Variants in JDP2 observed in about 807,000 individuals in gnomAD.
JDP2 encodes the protein progesterone receptor co-activator.
In JDP2, 9 loss-of-function variants were observed where a neutral mutation model predicts 17.1. The observed-to-expected ratio is 0.53, with a 90% CI of 0.32 to 0.92. The LOEUF (loss-of-function observed/expected upper bound fraction) is 0.92, where lower values mean the gene tolerates loss of function less well. Ranked by LOEUF, JDP2 falls within the 40% of genes least tolerant of loss-of-function variation. JDP2 has a pLI of 0.04. For synonymous variants in JDP2, 107 were observed against 95.6 expected (o/e 1.12, Z -0.69); for missense variants, 179 against 220.0 (o/e 0.81, Z 1.18).
In JDP2 at chr14:75,469,688, G is replaced by A. The variant is rs886235530; in HGVS notation, c.*213G>A. 1 of 558,162 alleles carries A rather than the reference G, an allele frequency of 1.8e-6. No homozygotes were observed. The highest frequency in any genetic ancestry group is 3.1e-5 in the East Asian group (1 of 32,606). 34.6% of individuals were successfully genotyped at this position (558,162 alleles called of 1,614,324 possible). A position where few individuals can be genotyped will look rare whatever the true frequency, so the allele number is the denominator to read the frequency against. ...CTGAGGAAACCCAGAGGGACCAAGC[G>A]CTGAGACCAAAGTTGACCCTCGGGT... is the stretch of plus-strand genomic sequence containing the variant. On this transcript the variant is annotated 3_prime_UTR_variant, in exon 4 of 4. Coordinates refer to ENST00000651602, the MANE Select transcript of JDP2 (RefSeq NM_001135048.2).
At chr14:75,468,189 G>A (rs1046141116) in intron 3 of JDP2, among the ~76,000 whole-genome samples, 7 of 152,118 alleles carry the variant, frequency 4.6e-5, no homozygotes, top group Non-Finnish European at 1.0e-4. Flanking sequence ...AATCTCTTAC[G>A]CTATCGCCAT....
intron 2 of JDP2, 117 bp from the exon 3 acceptor site, chr14:75,461,309 G>A (rs1886336570): frequency 1.4e-6 from 1 of 725,014 alleles, no homozygotes; most frequent in Admixed American, 2.1e-5. Flanking sequence ...GTGATCACTT[G>A]TTCACTGCCG....
At chr14:75,445,729 T>A (rs1885568475) in intron 2 of JDP2, 1 of 341,366 alleles carries the variant, frequency 2.9e-6, no homozygotes, top group Non-Finnish European at 4.1e-6. Context: ...AGAAAACAGC[T>A]GTAAATCTTT....
chr14:75,441,637 C>CCA (rs1194356394), intron 2 of JDP2, among the ~76,000 whole-genome samples: 1 of 152,242 alleles, frequency 6.6e-6, no homozygotes, highest in Non-Finnish European at 1.5e-5. Flanking sequence ...GGTAGGACTG[C>CCA]TCATTCTGAT....
chr14:75,447,350 C>T (rs1444114738), intron 2 of JDP2, among the ~76,000 whole-genome samples: 1 of 152,158 alleles, frequency 6.6e-6, no homozygotes, highest in African/African-American at 2.4e-5. Flanking sequence ...TCCAACAACC[C>T]TATGAGGTGG....
At chr14:75,452,230 G>A (rs967195401) in intron 2 of JDP2, among the ~76,000 whole-genome samples, 6 of 152,234 alleles carry the variant, frequency 3.9e-5, no homozygotes, top group African/African-American at 1.4e-4. Flanking sequence ...CCCACCGTGT[G>A]GAAGGTAGCC....
intron 1 of JDP2, among the ~76,000 whole-genome samples, chr14:75,434,344 A>C (rs2140037995): frequency 6.6e-6 from 1 of 152,232 alleles, no homozygotes; most frequent in East Asian, 1.9e-4. Context: ...TGGCTGGTGA[A>C]TATCAGCTGT....
chr14:75,446,825 A>G (rs960048195), intron 2 of JDP2, among the ~76,000 whole-genome samples: 1 of 152,250 alleles, frequency 6.6e-6, no homozygotes. Flanking sequence ...TTTGATCTCA[A>G]TAAAGTGCTT....
In JDP2 at chr14:75,428,826, C is replaced by T. The variant is rs1361078258; in HGVS notation, c.-24+574C>T. ...CCAATGAAGGCAGCTTCTCTCATGG[C>T]CATTGCTTCGGAGCTCTGGGCTGGG... is the stretch of plus-strand genomic sequence containing the variant. On this transcript the variant is annotated intron_variant, in intron 1 of 3. Transcript: ENST00000651602. This position sits in a 1 kb window ranked among gnomAD's most constrained non-coding sequence, Gnocchi z 5.6. Among the ~76,000 whole-genome samples the T allele has an allele frequency of 2.6e-5, 4 of 152,178 alleles. No individual in the cohort carries two copies. Among genetic ancestry groups the T allele is most frequent in the Admixed American group, 1.3e-4 (2 of 15,284 alleles).
chr14:75,464,598 G>T (rs1886492769), intron 3 of JDP2, among the ~76,000 whole-genome samples: 1 of 152,092 alleles, frequency 6.6e-6, no homozygotes, highest in South Asian at 2.1e-4. Flanking sequence ...TGGTATCCTC[G>T]GGGAGTCCTG....
intron 2 of JDP2, among the ~76,000 whole-genome samples, chr14:75,452,941 A>C (rs780799593): frequency 6.6e-6 from 1 of 152,240 alleles, no homozygotes; most frequent in Non-Finnish European, 1.5e-5. Flanking sequence ...AAGGCCTGGC[A>C]AGAGATGACG....
rs1433710996 is a variant in JDP2, at chr14:75,469,593, G to T, written c.*118G>T. On this transcript the variant is annotated 3_prime_UTR_variant, in exon 4 of 4. Coordinates refer to ENST00000651602, the MANE Select transcript of JDP2 (RefSeq NM_001135048.2). ...GGTGCATGAAAAACTGTACAATGAGGTTCAGCACAGCCAGCATCAGCCGAG... is the reference window on the plus strand; with the variant it reads ...GGTGCATGAAAAACTGTACAATGAGTTTCAGCACAGCCAGCATCAGCCGAG... 3.0e-5 allele frequency: 25 copies of T among 841,440 alleles called. No individual in the cohort carries two copies. In the East Asian group the frequency reaches 6.3e-4, roughly 21 times the overall value. The allele number at this position is 841,440 out of a possible 1,614,324, so 52.1% of individuals were successfully genotyped here.
In JDP2 at chr14:75,469,592, G is replaced by A; in HGVS notation, c.*117G>A. 2.3e-6 allele frequency: 2 copies of A among 858,070 alleles called. No individual in the cohort carries two copies. The highest frequency in any genetic ancestry group is 3.6e-6 in the Non-Finnish European group (2 of 563,360). The allele number at this position is 858,070 out of a possible 1,614,324, so 53.2% of individuals were successfully genotyped here. A position where few individuals can be genotyped will look rare whatever the true frequency, so the allele number is the denominator to read the frequency against. On this transcript the variant is annotated 3_prime_UTR_variant, in exon 4 of 4. Coordinates refer to ENST00000651602, the MANE Select transcript of JDP2 (RefSeq NM_001135048.2). ...TGGTGCATGAAAAACTGTACAATGA[G>A]GTTCAGCACAGCCAGCATCAGCCGA...
intron 3 of JDP2, among the ~76,000 whole-genome samples, chr14:75,466,907 G>A (rs774915401): frequency 2.0e-5 from 3 of 152,020 alleles, no homozygotes; most frequent in Non-Finnish European, 4.4e-5. Flanking sequence ...TCTTTGAGAC[G>A]TCTTCCTTCT....
chr14:75,441,734 C>T (rs996680008), intron 2 of JDP2, among the ~76,000 whole-genome samples: 1 of 152,164 alleles, frequency 6.6e-6, no homozygotes, highest in African/African-American at 2.4e-5. Flanking sequence ...TTCTAGTATT[C>T]GCTTTCAGGA....
chr14:75,452,584 T>C (rs764363677), intron 2 of JDP2, among the ~76,000 whole-genome samples: 1 of 152,210 alleles, frequency 6.6e-6, no homozygotes, highest in Non-Finnish European at 1.5e-5. Flanking sequence ...GTTTGGCTCA[T>C]GCGGTGTTCC....
At chr14:75,436,026 A>G (rs927822127) in intron 1 of JDP2, among the ~76,000 whole-genome samples, 1 of 152,212 alleles carries the variant, frequency 6.6e-6, no homozygotes, top group African/African-American at 2.4e-5. Flanking sequence ...AGTGATGGCC[A>G]GTGGAAACCT....
In JDP2 at chr14:75,442,961, G is replaced by A. The variant is rs187681986; in HGVS notation, c.201+4840G>A. ...TGTGGACTGCCCTTTCCAACGTAGG[G>A]CAGTTTCCTGTGTGTATTCCACATG... On this transcript the variant is annotated intron_variant, in intron 2 of 3. Transcript: ENST00000651602. Among the ~76,000 whole-genome samples the A allele has an allele frequency of 2.9e-3, 443 of 152,254 alleles. 1 individual carries two copies. Among genetic ancestry groups the A allele is most frequent in the African/African-American group, 9.9e-3 (413 of 41,544 alleles).
chr14:75,455,514 A>G (rs1449232501), intron 2 of JDP2, among the ~76,000 whole-genome samples: 1 of 152,160 alleles, frequency 6.6e-6, no homozygotes, highest in Non-Finnish European at 1.5e-5. Flanking sequence ...CACATTACCC[A>G]GGAGTCCTTC....
Sources: gnomAD v4.1 joint callset for allele counts (sites outside exome capture counted in the v4.1 genomes callset) on GRCh38, gnomAD v4.1.1 for gene constraint, Gnocchi (gnomAD v3.1) non-coding constraint, MANE v1.5 for transcripts, NCBI Gene and HGNC (gene_info 2026-07-23, HGNC 2026-07-21) for gene names.